SPAG16: variants seen among roughly 807,000 people sequenced by gnomAD.
SPAG16 encodes the protein sperm associated antigen 16.
In SPAG16, 86 loss-of-function variants were observed where a neutral mutation model predicts 80.4. The ratio of observed to expected loss-of-function variants is 1.07; its 90% CI spans 0.90 to 1.28. The LOEUF is 1.28. SPAG16 is among the 50% of genes most tolerant of loss of function. SPAG16 has a pLI of 0.00. For synonymous variants in SPAG16, 294 were observed against 265.9 expected, an observed-to-expected ratio of 1.11 and a Z score of -1.03; for missense variants, 870 against 765.3, an observed-to-expected ratio of 1.14 and a Z score of -1.61.
chr2:213,371,117 T>C (rs1220965774), intron 8 of SPAG16, among the ~76,000 whole-genome samples: 1 of 152,076 alleles, frequency 6.6e-6, no homozygotes, highest in Admixed American at 6.6e-5. Flanking sequence ...GGGACTGTAA[T>C]TTGAAAAGAG....
Position 214,245,895 on chromosome 2 carries a change from G to A in SPAG16, c.1720+96629G>A, listed in dbSNP as rs77818747. Among the ~76,000 whole-genome samples, 504 of 152,198 alleles carry A rather than the reference G, an allele frequency of 3.3e-3. 5 individuals are homozygous for A. Among genetic ancestry groups the A allele is most frequent in the African/African-American group, 0.012 (485 of 41,532 alleles). On this transcript the variant is annotated intron_variant, in intron 15 of 15. Coordinates refer to ENST00000331683, the MANE Select transcript of SPAG16 (RefSeq NM_024532.5). The stretch of plus-strand genomic sequence containing the variant: ...TAGTACACTTCAAAGGGCCTAAAAC[G>A]TACGTTTTGAATGAATAAATAATCA...
At chr2:214,030,397 G>A (rs763180509) in intron 13 of SPAG16, among the ~76,000 whole-genome samples, 2 of 152,082 alleles carry the variant, frequency 1.3e-5, no homozygotes, top group Non-Finnish European at 2.9e-5. Context: ...CATAACAGCC[G>A]AGATGTAGAA....
chr2:214,012,178 G>A (rs11888991), intron 12 of SPAG16, among the ~76,000 whole-genome samples: 37,003 of 145,334 alleles, frequency 0.25, 5,567 homozygotes, highest in South Asian at 0.57. Flanking sequence ...TCAAGCCACA[G>A]AGGAACTAAT....
chr2:213,563,296 G>A (rs1028791404), intron 10 of SPAG16, among the ~76,000 whole-genome samples: 4 of 151,942 alleles, frequency 2.6e-5, no homozygotes, highest in African/African-American at 9.7e-5. Flanking sequence ...ATCTTTCTGA[G>A]AAAGCCAATT....
chr2:214,390,068 CCAGTTA>C (rs2126125759), intron 15 of SPAG16, among the ~76,000 whole-genome samples: 1 of 152,256 alleles, frequency 6.6e-6, no homozygotes, highest in African/African-American at 2.4e-5. Flanking sequence ...AGCCAATTGT[CCAGTTA>C]TTCTGTACCA....
intron 10 of SPAG16, among the ~76,000 whole-genome samples, chr2:213,645,814 T>C (rs2062801140): frequency 6.6e-6 from 1 of 152,136 alleles, no homozygotes; most frequent in Non-Finnish European, 1.5e-5. Flanking sequence ...TAGTTCAGCA[T>C]TAAGTGTCAC....
chr2:213,360,774 T>C (rs1263327729), intron 7 of SPAG16, among the ~76,000 whole-genome samples: 1 of 152,228 alleles, frequency 6.6e-6, no homozygotes, highest in Non-Finnish European at 1.5e-5. Context: ...ATATGTGAAA[T>C]GTTTCTCTAT....
At chr2:214,304,204 G>T (rs1190861769) in intron 15 of SPAG16, among the ~76,000 whole-genome samples, 2 of 152,138 alleles carry the variant, frequency 1.3e-5, no homozygotes, top group Non-Finnish European at 2.9e-5. Flanking sequence ...CTTTGTTATT[G>T]TTGGGAACAG....
intron 6 of SPAG16, among the ~76,000 whole-genome samples, chr2:213,347,682 G>T (rs2065075387): frequency 6.6e-6 from 1 of 152,232 alleles, no homozygotes; most frequent in Non-Finnish European, 1.5e-5. Context: ...CAGTTTCCAT[G>T]TAGTTGAGCG....
intron 13 of SPAG16, among the ~76,000 whole-genome samples, chr2:214,067,334 A>G (rs1185861985): frequency 1.3e-5 from 2 of 152,186 alleles, no homozygotes; most frequent in Non-Finnish European, 2.9e-5. Flanking sequence ...GAAAATATGT[A>G]TATTGTATCA....
At chr2:213,341,282 A>G (rs988112951) in intron 6 of SPAG16, among the ~76,000 whole-genome samples, 2 of 152,176 alleles carry the variant, frequency 1.3e-5, no homozygotes, top group African/African-American at 4.8e-5. Flanking sequence ...CTGGGTATCA[A>G]GTTAATCAGT....
chr2:213,562,538 T>C (rs552861327), intron 10 of SPAG16, among the ~76,000 whole-genome samples: 1 of 152,236 alleles, frequency 6.6e-6, no homozygotes, highest in East Asian at 1.9e-4. Context: ...TTCTGGAGAC[T>C]GGAAAGTCCA....
chr2:213,319,228 A>G (rs1196439901), intron 5 of SPAG16, among the ~76,000 whole-genome samples: 1 of 151,956 alleles, frequency 6.6e-6, no homozygotes, highest in Non-Finnish European at 1.5e-5. Context: ...TAATGGAACT[A>G]CCATATAGGA....
At chr2:213,653,041 A>C (rs1179009537) in intron 10 of SPAG16, among the ~76,000 whole-genome samples, 1 of 152,062 alleles carries the variant, frequency 6.6e-6, no homozygotes, top group African/African-American at 2.4e-5. Flanking sequence ...ACTGCCCGGC[A>C]TCTTCTATCT....
chr2:213,416,942 CA>C (rs1469421504), intron 9 of SPAG16, among the ~76,000 whole-genome samples: 1 of 152,186 alleles, frequency 6.6e-6, no homozygotes, highest in African/African-American at 2.4e-5. Flanking sequence ...ACAGACTTAA[CA>C]GTTTAGAATT....
intron 13 of SPAG16, among the ~76,000 whole-genome samples, chr2:214,083,367 T>G (rs1295527420): frequency 6.6e-6 from 1 of 152,192 alleles, no homozygotes; most frequent in African/African-American, 2.4e-5. Flanking sequence ...GGAGGCAGTT[T>G]TTTTTTTCTT....
rs1289314949 is a variant in SPAG16, at chr2:213,367,016, C to T, written c.832+2871C>T. 5.9e-5 allele frequency among the ~76,000 whole-genome samples: 9 copies of T among 152,104 alleles called. No homozygotes were observed. In the East Asian group the frequency reaches 9.6e-4, roughly 16 times the overall value. On this transcript the variant is annotated intron_variant, in intron 8 of 15. Coordinates refer to ENST00000331683, the MANE Select transcript of SPAG16 (RefSeq NM_024532.5). ...AGTGTTCTCATTGTTCAATTCCCAC[C>T]TGTGAGTGAGAACATGCAGTGTTTG...
intron 10 of SPAG16, among the ~76,000 whole-genome samples, chr2:213,678,384 G>C (rs546493129): frequency 1.3e-5 from 2 of 151,676 alleles, no homozygotes; most frequent in East Asian, 3.9e-4. Context: ...AGACTAATAA[G>C]GAAAAAAAGA....
chr2:214,360,657 C>A (rs1391500096), intron 15 of SPAG16, among the ~76,000 whole-genome samples: 1 of 151,802 alleles, frequency 6.6e-6, no homozygotes, highest in Non-Finnish European at 1.5e-5. Context: ...AATAGTGTTG[C>A]TACAATTTAA....
Sources: gnomAD v4.1 joint callset for allele counts (sites outside exome capture counted in the v4.1 genomes callset) on GRCh38, gnomAD v4.1.1 for gene constraint, MANE v1.5 for transcripts, NCBI Gene and HGNC (gene_info 2026-07-23, HGNC 2026-07-21) for gene names.